The following MSI2 variants were observed in gnomAD, a reference collection of about 807,000 sequenced individuals.
MSI2 encodes RNA-binding protein Musashi homolog 2.
A neutral mutation model predicts 45.6 loss-of-function variants in MSI2; 17 were observed. That is an observed-to-expected ratio of 0.37 (90% CI 0.26 to 0.56). MSI2 has a LOEUF of 0.56. Among genes scored for constraint, MSI2 ranks in the 20% least tolerant of loss-of-function variants. The pLI is 0.77. For synonymous variants in MSI2, 156 were observed against 158.2 expected, an observed-to-expected ratio of 0.99 and a Z score of 0.11; for missense variants, 293 against 444.2, an observed-to-expected ratio of 0.66 and a Z score of 3.06.
At chr17:57,504,892 T>C (rs2086194093) in intron 6 of MSI2, among the ~76,000 whole-genome samples, 1 of 148,746 alleles carries the variant, frequency 6.7e-6, no homozygotes, top group Middle Eastern at 3.4e-3. Flanking sequence ...GATCACACCA[T>C]TGCACTCCAG....
At chr17:57,674,826 G>A in intron 11 of MSI2, 146 bp from the exon 12 acceptor site, 14 of 1,213,190 alleles carry the variant, frequency 1.2e-5, no homozygotes, top group Non-Finnish European at 1.6e-5. Flanking sequence ...TAGAAGTTGG[G>A]CCTCAGCTGT....
intron 6 of MSI2, among the ~76,000 whole-genome samples, chr17:57,419,185 CTT>C (rs1241938482): frequency 1.5e-4 from 20 of 136,204 alleles, no homozygotes; most frequent in Admixed American, 2.9e-4. Context: ...TGGAGGTTTT[CTT>C]TTTTTTTTTT....
chr17:57,373,578 T>C (rs2083451365), intron 5 of MSI2, among the ~76,000 whole-genome samples: 1 of 152,216 alleles, frequency 6.6e-6, no homozygotes, highest in South Asian at 2.1e-4. Context: ...CGGAAACCTC[T>C]AGGTTGTGCT....
intron 11 of MSI2, among the ~76,000 whole-genome samples, chr17:57,668,660 G>A (rs1274744597): frequency 1.3e-4 from 20 of 152,150 alleles, no homozygotes; most frequent in Admixed American, 1.2e-3. Context: ...GAGGAGCCAG[G>A]GGACTCCAGA....
At chr17:57,313,969 ACGGACTAGG>A (rs1912629623) in intron 5 of MSI2, among the ~76,000 whole-genome samples, 5 of 152,182 alleles carry the variant, frequency 3.3e-5, no homozygotes, top group Admixed American at 3.3e-4. Flanking sequence ...ACAAAGTACC[ACGGACTAGG>A]CGGCTTCTAC....
At position 57,588,180 on chromosome 17, in the gene MSI2, C is replaced by T. The variant is rs79223565; in HGVS notation, c.455-8688C>T. The stretch of plus-strand genomic sequence containing the variant: ...GGCATGCCAGCAGACCCCTCGCATC[C>T]ATCGCGGGCTTGTTTACTGGCCCAC... On this transcript the variant is annotated intron_variant, in intron 7 of 13. Coordinates refer to ENST00000284073, the MANE Select transcript of MSI2 (RefSeq NM_138962.4). 4.1e-3 allele frequency among the ~76,000 whole-genome samples: 625 copies of T among 152,264 alleles called. 3 individuals are homozygous for T. The highest frequency in any genetic ancestry group is 0.014 in the African/African-American group (591 of 41,556).
intron 6 of MSI2, among the ~76,000 whole-genome samples, chr17:57,464,012 TGTG>T (rs2085282744): frequency 7.9e-6 from 1 of 127,196 alleles, no homozygotes; most frequent in African/African-American, 2.7e-5. Flanking sequence ...TGTGTGTGTG[TGTG>T]TGTGTATGTG....
chr17:57,325,085 A>G (rs572071216), intron 5 of MSI2, among the ~76,000 whole-genome samples: 4 of 152,368 alleles, frequency 2.6e-5, no homozygotes, highest in South Asian at 2.1e-4. Flanking sequence ...GTGCCCATCA[A>G]CTGATGAATG....
intron 7 of MSI2, among the ~76,000 whole-genome samples, chr17:57,551,238 G>T (rs900741792): frequency 2.0e-5 from 3 of 152,126 alleles, no homozygotes; most frequent in Admixed American, 6.5e-5. Flanking sequence ...GCAATATTAT[G>T]TCTCAGACTA....
intron 5 of MSI2, among the ~76,000 whole-genome samples, chr17:57,316,002 G>GTCA (rs1340054309): frequency 6.6e-6 from 1 of 152,038 alleles, no homozygotes; most frequent in Non-Finnish European, 1.5e-5. Context: ...AATCACATTT[G>GTCA]TCATCATCAT....
intron 8 of MSI2, among the ~76,000 whole-genome samples, chr17:57,605,575 C>G (rs1234614142): frequency 6.6e-6 from 1 of 152,206 alleles, no homozygotes; most frequent in Non-Finnish European, 1.5e-5. Flanking sequence ...AGGGGCTGCC[C>G]CCCCTTCTCT....
At chr17:57,296,200 G>A (rs1910940711) in intron 5 of MSI2, among the ~76,000 whole-genome samples, 1 of 151,760 alleles carries the variant, frequency 6.6e-6, no homozygotes, top group Non-Finnish European at 1.5e-5. Flanking sequence ...AATTGAGACA[G>A]TTAATGGTGT....
chr17:57,388,387 C>T (rs747751368), intron 5 of MSI2, among the ~76,000 whole-genome samples: 16 of 152,180 alleles, frequency 1.1e-4, no homozygotes, highest in African/African-American at 2.2e-4. Context: ...AAGACCACTG[C>T]GCTCAGGGTG....
intron 6 of MSI2, among the ~76,000 whole-genome samples, chr17:57,469,113 G>A (rs774068187): frequency 3.3e-5 from 5 of 152,182 alleles, no homozygotes; most frequent in Admixed American, 2.0e-4. Flanking sequence ...GGCTCCAAGA[G>A]CCTCTTTGTG....
chr17:57,258,445 C>T, intron 4 of MSI2, 91 bp downstream of exon 4: 3 of 1,074,226 alleles, frequency 2.8e-6, no homozygotes, highest in Non-Finnish European at 2.9e-6. Context: ...CCTTCTTTTG[C>T]TTCTGTGCTA....
chr17:57,696,930 C>T, the MSI2 span, among the ~76,000 whole-genome samples: 1 of 152,072 alleles, frequency 6.6e-6, no homozygotes. Flanking sequence ...CTTCTCTGCT[C>T]ATTTGCTATA....
At chr17:57,670,612 G>A (rs1473167485) in intron 11 of MSI2, among the ~76,000 whole-genome samples, 2 of 152,212 alleles carry the variant, frequency 1.3e-5, no homozygotes, top group Non-Finnish European at 2.9e-5. Flanking sequence ...GCCGTCCTCG[G>A]TGAGATCGGT....
the MSI2 span, among the ~76,000 whole-genome samples, chr17:57,695,586 T>A: frequency 6.6e-6 from 1 of 152,026 alleles, no homozygotes; most frequent in Non-Finnish European, 1.5e-5. Context: ...CTCTTCTGGA[T>A]CAGTCAGGGT....
At chr17:57,283,217 C>A (rs1390843216) in intron 5 of MSI2, among the ~76,000 whole-genome samples, 1 of 152,102 alleles carries the variant, frequency 6.6e-6, no homozygotes, top group Non-Finnish European at 1.5e-5. Flanking sequence ...CTAGAAAATG[C>A]CATTTCACTA....
Sources: allele counts gnomAD v4.1 joint callset (sites outside exome capture counted in the v4.1 genomes callset), GRCh38; gene constraint gnomAD v4.1.1; transcripts MANE v1.5; gene names NCBI Gene and HGNC (gene_info 2026-07-23, HGNC 2026-07-21).